The following DAB1 variants were observed in gnomAD, a reference collection of about 807,000 sequenced individuals.
DAB1 encodes the protein DAB adaptor protein 1.
Under a neutral mutation model 64.6 loss-of-function variants are expected in DAB1, and 15 were observed. That is an observed-to-expected ratio of 0.23 (90% CI 0.16 to 0.36). DAB1 has a LOEUF of 0.36. Ranked by LOEUF, DAB1 falls within the 10% of genes least tolerant of loss-of-function variation. The pLI is 1.00. For missense variants in DAB1, 596 were observed against 706.7 expected, an observed-to-expected ratio of 0.84 and a Z score of 1.78; for synonymous variants, 235 against 251.9, an observed-to-expected ratio of 0.93 and a Z score of 0.64.
At chr1:57,120,206 C>T (rs1656510620) in intron 4 of DAB1, among the ~76,000 whole-genome samples, 1 of 152,114 alleles carries the variant, frequency 6.6e-6, no homozygotes, top group African/African-American at 2.4e-5. Flanking sequence ...CACTACTTAT[C>T]TCTGAATTTG....
At chr1:57,695,609 C>T (rs896067114) in intron 6 of DAB1, among the ~76,000 whole-genome samples, 18 of 151,922 alleles carry the variant, frequency 1.2e-4, no homozygotes, top group South Asian at 2.1e-4. Flanking sequence ...CTTAAATAGG[C>T]AAATGGAGAG....
chr1:57,808,917 G>A (rs958501773), intron 6 of DAB1, among the ~76,000 whole-genome samples: 6 of 152,150 alleles, frequency 3.9e-5, no homozygotes, highest in Non-Finnish European at 7.4e-5. Context: ...AGCTTTAGGA[G>A]AAGGTGTAAC....
intron 6 of DAB1, among the ~76,000 whole-genome samples, chr1:57,753,455 G>A (rs959164741): frequency 1.3e-5 from 2 of 152,134 alleles, no homozygotes; most frequent in Non-Finnish European, 2.9e-5. Flanking sequence ...CAATGTCTGG[G>A]TCTCCTCCTT....
chr1:57,919,631 G>A (rs1359380963), intron 5 of DAB1, among the ~76,000 whole-genome samples: 1 of 152,144 alleles, frequency 6.6e-6, no homozygotes, highest in Non-Finnish European at 1.5e-5. Flanking sequence ...ATCTTTTTGA[G>A]CTCTATGGAA....
chr1:57,302,455 C>T (rs1055734747), intron 1 of DAB1, among the ~76,000 whole-genome samples: 1 of 152,166 alleles, frequency 6.6e-6, no homozygotes, highest in Non-Finnish European at 1.5e-5. Context: ...TGCACTCACT[C>T]CTTACACACC....
In DAB1 at chr1:57,751,935, C is replaced by G. The variant is rs1173823954; in HGVS notation, n.552-102270G>C. 2.6e-5 allele frequency among the ~76,000 whole-genome samples: 4 copies of G among 152,328 alleles called. No homozygotes were observed. In the East Asian group the frequency reaches 7.7e-4, roughly 29 times the overall value. ...CTGTAAAGCCCCCTGGAGAAATTCA[C>G]GGTGTTCAGGAAACATTAAGAGACT... On this transcript the variant is annotated intron_variant and non_coding_transcript_variant, in intron 6 of 20. Coordinates refer to the DAB1 transcript ENST00000485760.
At chr1:58,027,704 C>T (rs575952432) in intron 5 of DAB1, among the ~76,000 whole-genome samples, 13 of 152,024 alleles carry the variant, frequency 8.6e-5, no homozygotes, top group Middle Eastern at 3.4e-3. Context: ...TCTAAAATGG[C>T]AACAACAATA....
intron 3 of DAB1, among the ~76,000 whole-genome samples, chr1:58,374,013 T>G (rs549518313): frequency 9.3e-6 from 1 of 107,020 alleles, no homozygotes; most frequent in African/African-American, 3.3e-5. Flanking sequence ...TTCGCCCACT[T>G]TTTGATGGGG....
chr1:58,340,310 C>G (rs1224300423), intron 4 of DAB1, among the ~76,000 whole-genome samples: 1 of 152,150 alleles, frequency 6.6e-6, no homozygotes, highest in African/African-American at 2.4e-5. Context: ...ACTAGGACAA[C>G]AGTAGAGTAG....
chr1:57,969,392 G>T (rs1236397580), intron 5 of DAB1, among the ~76,000 whole-genome samples: 1 of 151,912 alleles, frequency 6.6e-6, no homozygotes, highest in Non-Finnish European at 1.5e-5. Flanking sequence ...ACCCAGGCTG[G>T]AGTGCAGTGG....
intron 7 of DAB1, among the ~76,000 whole-genome samples, chr1:57,488,486 G>A (rs34252256): frequency 0.18 from 27,178 of 150,912 alleles, 2,676 homozygotes; most frequent in Non-Finnish European, 0.23. Context: ...AGACCAGCCT[G>A]ACCAACATGG....
intron 5 of DAB1, among the ~76,000 whole-genome samples, chr1:58,008,757 A>T (rs1020123107): frequency 2.0e-5 from 3 of 152,284 alleles, no homozygotes; most frequent in East Asian, 3.9e-4. Flanking sequence ...CCAATCCAAG[A>T]CATCAGTTCA....
At chr1:57,831,583 C>T (rs1481918930) in intron 1 of DAB1, among the ~76,000 whole-genome samples, 5 of 148,542 alleles carry the variant, frequency 3.4e-5, no homozygotes, top group Admixed American at 1.3e-4. Flanking sequence ...ACCCTGCTAC[C>T]CAGGCTGGAG....
chr1:58,299,826 T>G (rs922177636), intron 4 of DAB1, among the ~76,000 whole-genome samples: 4 of 152,172 alleles, frequency 2.6e-5, no homozygotes, highest in Non-Finnish European at 5.9e-5. Flanking sequence ...AAAGACTGAT[T>G]GTGATGTACT....
At chr1:58,053,782 A>G (rs536447817) in intron 5 of DAB1, among the ~76,000 whole-genome samples, 18 of 152,316 alleles carry the variant, frequency 1.2e-4, no homozygotes, top group African/African-American at 3.8e-4. Flanking sequence ...GAGAACCCCA[A>G]TCTGTATACT....
intron 6 of DAB1, among the ~76,000 whole-genome samples, chr1:57,728,090 G>C (rs1002327014): frequency 1.3e-5 from 2 of 152,214 alleles, no homozygotes; most frequent in South Asian, 4.1e-4. Flanking sequence ...TGATATTGAT[G>C]GTCTACCAAA....
intron 5 of DAB1, among the ~76,000 whole-genome samples, chr1:57,978,503 C>A (rs1645979674): frequency 6.6e-6 from 1 of 151,990 alleles, no homozygotes; most frequent in Admixed American, 6.6e-5. Flanking sequence ...GACACAGGCA[C>A]CGGAAAAGAC....
At chr1:57,046,708 A>T (rs1377113920) in intron 9 of DAB1, among the ~76,000 whole-genome samples, 1 of 152,226 alleles carries the variant, frequency 6.6e-6, no homozygotes, top group Non-Finnish European at 1.5e-5. Flanking sequence ...ATACCCCTGA[A>T]TCACATTTTC....
chr1:57,089,167 A>G (rs543108647), intron 4 of DAB1, among the ~76,000 whole-genome samples: 2 of 152,362 alleles, frequency 1.3e-5, no homozygotes, highest in East Asian at 3.9e-4. Context: ...TGTCCAGAAT[A>G]CAGAAAGTGC....
Sources: allele counts gnomAD v4.1 joint callset (sites outside exome capture counted in the v4.1 genomes callset), GRCh38; gene constraint gnomAD v4.1.1; transcripts MANE v1.5; gene names NCBI Gene and HGNC (gene_info 2026-07-23, HGNC 2026-07-21).